The following IRF2 variants were observed in gnomAD, a reference collection of about 807,000 sequenced individuals.
IRF2 encodes interferon regulatory factor 2.
A neutral mutation model predicts 40.6 loss-of-function variants in IRF2; 15 were observed. The observed-to-expected ratio is 0.37, with a 90% confidence interval of 0.25 to 0.57. The LOEUF (loss-of-function observed/expected upper bound fraction) is 0.57. Among genes scored for constraint, IRF2 ranks in the 20% least tolerant of loss-of-function variants. The probability of loss-of-function intolerance (pLI) is 0.77; values close to 1 mark genes in which losing one functional copy is unlikely to be tolerated. For missense variants in IRF2, 317 were observed against 455.7 expected (o/e 0.70, Z 2.77); for synonymous variants, 151 against 165.5 (o/e 0.91, Z 0.67).
intron 6 of IRF2, among the ~76,000 whole-genome samples, chr4:184,400,481 G>GC (rs1449827911): frequency 2.6e-5 from 4 of 152,120 alleles, no homozygotes; most frequent in Admixed American, 2.6e-4. Context: ...TGTCTGAGTT[G>GC]CTACAAGCCT....
At chr4:184,393,174 A>G (rs938755177) in intron 7 of IRF2, among the ~76,000 whole-genome samples, 1 of 152,220 alleles carries the variant, frequency 6.6e-6, no homozygotes, top group African/African-American at 2.4e-5. Flanking sequence ...AAAGTTGCCA[A>G]CTGAGACAGC....
rs1736136133 is a variant in IRF2 at position 184,388,539 on chromosome 4, T to C, written c.*219A>G. On this transcript the variant is annotated 3_prime_UTR_variant, in exon 9 of 9. Transcript: ENST00000393593. This position sits in a 1 kb window ranked among gnomAD's most constrained non-coding sequence, Gnocchi z 4.6. ...AACTTGAGTGAGTAGCCCTGGGAGA[T>C]CCAGCAGGCTCTAGAAACACACGTC... The C allele has an allele frequency of 3.7e-6, 2 of 540,762 alleles. No individual in the cohort carries two copies. Among genetic ancestry groups the C allele is most frequent in the African/African-American group, 1.9e-5 (1 of 51,520 alleles). The allele number at this position is 540,762 out of a possible 1,614,324, so 33.5% of individuals were successfully genotyped here. A position where few individuals can be genotyped will look rare whatever the true frequency, so the allele number is the denominator to read the frequency against.
intron 7 of IRF2, among the ~76,000 whole-genome samples, chr4:184,397,680 G>A (rs1579797785): frequency 1.3e-5 from 2 of 152,332 alleles, no homozygotes; most frequent in Admixed American, 1.3e-4. Context: ...CATCCCATTT[G>A]GCAGCGTGTA....
intron 1 of IRF2, among the ~76,000 whole-genome samples, chr4:184,449,560 G>A (rs187737074): frequency 3.0e-4 from 45 of 152,334 alleles, no homozygotes; most frequent in African/African-American, 7.2e-4. Flanking sequence ...ACGCAATGAC[G>A]GAAGGAGCTT....
intron 6 of IRF2, among the ~76,000 whole-genome samples, chr4:184,400,250 C>G (rs1040645129): frequency 2.6e-5 from 4 of 152,228 alleles, no homozygotes; most frequent in African/African-American, 7.2e-5. Context: ...CCCTGGGCAA[C>G]TATTAATCTG....
chr4:184,409,333 A>G lies in IRF2; in HGVS notation c.412-1058T>C, dbSNP rs146223349. On this transcript the variant is annotated intron_variant, in intron 5 of 8. Coordinates refer to ENST00000393593, the MANE Select transcript of IRF2 (RefSeq NM_002199.4). ...GGAATCAATCCCCCCAAAATCCTCA[A>G]AAAGTCACTAACGGAAGGAGGGGAA... is the stretch of plus-strand genomic sequence containing the variant. Among the ~76,000 whole-genome samples, 943 of 152,238 alleles carry G rather than the reference A, an allele frequency of 6.2e-3. 9 individuals are homozygous for G. The highest frequency in any genetic ancestry group is 0.021 in the African/African-American group (891 of 41,516).
In IRF2 at chr4:184,408,412, C is replaced by T. The variant is rs954784460; in HGVS notation, c.412-137G>A. The T allele has an allele frequency of 8.9e-6, 6 of 670,800 alleles. No individual in the cohort carries two copies. Among genetic ancestry groups the T allele is most frequent in the African/African-American group, 7.2e-5 (4 of 55,234 alleles). The allele number at this position is 670,800 out of a possible 1,614,324, so 41.6% of individuals were successfully genotyped here. Reference sequence around the variant, plus strand: ...AGCTGCCGAATACATTCATCCCCTGCTTCTTTAAACTGGCCTGTTTTAAAG... The same window carrying T: ...AGCTGCCGAATACATTCATCCCCTGTTTCTTTAAACTGGCCTGTTTTAAAG... On this transcript the variant is annotated intron_variant, in intron 5 of 8. Transcript: ENST00000393593. This position sits in a 1 kb window ranked among gnomAD's most constrained non-coding sequence, Gnocchi z 4.9.
At chr4:184,400,212 C>T (rs778092750) in intron 6 of IRF2, among the ~76,000 whole-genome samples, 4 of 152,208 alleles carry the variant, frequency 2.6e-5, no homozygotes, top group African/African-American at 9.7e-5. Flanking sequence ...TCCTTCAGTA[C>T]CTCCCCATCC....
intron 1 of IRF2, among the ~76,000 whole-genome samples, chr4:184,455,301 C>CTTTTTTTTTT (rs1238177005): frequency 2.8e-4 from 9 of 31,926 alleles, no homozygotes; most frequent in Admixed American, 1.2e-3. Flanking sequence ...CCTTCTTCTT[C>CTTTTTTTTTT]TTTTTTTTTT....
chr4:184,441,905 A>G (rs1181678965), intron 1 of IRF2, among the ~76,000 whole-genome samples: 1 of 152,122 alleles, frequency 6.6e-6, no homozygotes, highest in Non-Finnish European at 1.5e-5. Flanking sequence ...TCATATTTGA[A>G]CTGGAGTCTT....
At chr4:184,467,776 G>A (rs181630829) in intron 1 of IRF2, among the ~76,000 whole-genome samples, 8 of 152,300 alleles carry the variant, frequency 5.3e-5, no homozygotes, top group African/African-American at 1.2e-4. Flanking sequence ...TTAGGTGTGC[G>A]AGTATCAAAT....
At chr4:184,438,424 C>T (rs778945631) in intron 1 of IRF2, among the ~76,000 whole-genome samples, 2 of 152,130 alleles carry the variant, frequency 1.3e-5, no homozygotes, top group African/African-American at 2.4e-5. Context: ...GGGAGCACCC[C>T]GAACAAAGTG....
chr4:184,439,370 TC>T lies in IRF2; in HGVS notation c.-6-10301del, dbSNP rs140323091. Among the ~76,000 whole-genome samples, 1,179 of 134,862 alleles carry T rather than the reference TC, an allele frequency of 8.7e-3. 17 individuals carry two copies. Among genetic ancestry groups the T allele is most frequent in the African/African-American group, 0.03 (1,095 of 36,018 alleles). The allele number at this position is 134,862 out of a possible 152,430, so 88.5% of individuals were successfully genotyped here. ...GGGGTACTTAAAAAAAAAAAAAAGGTCCCTGGCCCCACTCTAATAAGAACCG... is the reference window on the plus strand; with the variant it reads ...GGGGTACTTAAAAAAAAAAAAAAGGTCCTGGCCCCACTCTAATAAGAACCG... On this transcript the variant is annotated intron_variant, in intron 1 of 8. Transcript: ENST00000393593.
At chr4:184,430,522 C>T (rs1470354348) in intron 1 of IRF2, among the ~76,000 whole-genome samples, 2 of 152,192 alleles carry the variant, frequency 1.3e-5, no homozygotes, top group African/African-American at 4.8e-5. Flanking sequence ...CTGCCTCCAG[C>T]TCCTATGTTA....
chr4:184,424,763 A>C lies in IRF2; in HGVS notation c.87+4215T>G, dbSNP rs181017501. ...GAAGCAACAGGGAACAGACTAAGAC[A>C]ATAGAGGATGGAAACAAATTTAAGG... On this transcript the variant is annotated intron_variant, in intron 2 of 8. Coordinates refer to ENST00000393593, the MANE Select transcript of IRF2 (RefSeq NM_002199.4). 2.0e-5 allele frequency among the ~76,000 whole-genome samples: 3 copies of C among 152,344 alleles called. No individual in the cohort carries two copies. In the East Asian group the frequency reaches 5.8e-4, roughly 29 times the overall value.
intron 1 of IRF2, among the ~76,000 whole-genome samples, chr4:184,470,599 A>G (rs13151334): frequency 0.2 from 30,598 of 151,628 alleles, 3,574 homozygotes; most frequent in South Asian, 0.31. Context: ...GCTGAAGCAC[A>G]GGAATTGCTT....
rs1737149494 is a variant in IRF2 at position 184,413,511 on chromosome 4, G to A, written c.411+4656C>T. ...TCCAACTAGTGAAGGGATCACTCCAGTAGCAGCCCTGCCAGGGAGTGTGCT... is the reference window on the plus strand; with the variant it reads ...TCCAACTAGTGAAGGGATCACTCCAATAGCAGCCCTGCCAGGGAGTGTGCT... On this transcript the variant is annotated intron_variant, in intron 5 of 8. Coordinates refer to ENST00000393593, the MANE Select transcript of IRF2 (RefSeq NM_002199.4). The surrounding 1 kb of genome is among the most constrained non-coding windows in gnomAD (Gnocchi z 4.2). Among the ~76,000 whole-genome samples, 1 of 152,234 alleles carries A rather than the reference G, an allele frequency of 6.6e-6. No homozygotes were observed. Among genetic ancestry groups the A allele is most frequent in the African/African-American group, 2.4e-5 (1 of 41,470 alleles).
chr4:184,423,184 CGTCA>C (rs1426062164), intron 2 of IRF2, among the ~76,000 whole-genome samples: 1 of 152,066 alleles, frequency 6.6e-6, no homozygotes, highest in Non-Finnish European at 1.5e-5. Flanking sequence ...GACCCCGTGA[CGTCA>C]GTATGTGCCA....
chr4:184,402,808 G>A (rs771808481), intron 6 of IRF2, among the ~76,000 whole-genome samples: 7 of 152,212 alleles, frequency 4.6e-5, no homozygotes, highest in South Asian at 4.1e-4. Context: ...GGGAGGAAAC[G>A]TGTTGGGGTG....
Sources: allele counts gnomAD v4.1 joint callset (sites outside exome capture counted in the v4.1 genomes callset), GRCh38; gene constraint gnomAD v4.1.1; non-coding constraint Gnocchi (gnomAD v3.1); transcripts MANE v1.5; gene names NCBI Gene and HGNC (gene_info 2026-07-23, HGNC 2026-07-21).